The following FGGY variants were observed in gnomAD, a reference collection of about 807,000 sequenced individuals.
FGGY encodes FGGY carbohydrate kinase domain-containing protein.
FGGY carries 72 observed loss-of-function variants against 71.3 expected under a neutral mutation model. That is an observed-to-expected ratio of 1.01 (90% CI 0.84 to 1.23). The LOEUF is 1.23. Among genes scored for constraint, FGGY ranks in the 50% most tolerant of loss-of-function variants. The pLI is 0.00. For missense variants in FGGY, 668 were observed against 682.3 expected (o/e 0.98, Z 0.23); for synonymous variants, 251 against 250.3 (o/e 1.00, Z -0.02).
chr1:59,736,911 AC>A (rs2101104603), intron 14 of FGGY, among the ~76,000 whole-genome samples: 1 of 152,284 alleles, frequency 6.6e-6, no homozygotes, highest in African/African-American at 2.4e-5. Flanking sequence ...TCCTCCCATC[AC>A]AGGCCTGGAG....
At chr1:59,329,660 G>C (rs989521606) in intron 2 of FGGY, among the ~76,000 whole-genome samples, 1 of 152,118 alleles carries the variant, frequency 6.6e-6, no homozygotes, top group Non-Finnish European at 1.5e-5. Flanking sequence ...TCCCTTTAGC[G>C]TAAGAATTGT....
At chr1:59,408,680 T>C (rs1181638891) in intron 5 of FGGY, among the ~76,000 whole-genome samples, 1 of 152,208 alleles carries the variant, frequency 6.6e-6, no homozygotes, top group Non-Finnish European at 1.5e-5. Context: ...CATCATTTTT[T>C]TCCCCAGAAC....
intron 4 of FGGY, among the ~76,000 whole-genome samples, chr1:59,375,521 A>T (rs1004817967): frequency 3.3e-5 from 5 of 152,202 alleles, no homozygotes; most frequent in Admixed American, 3.3e-4. Context: ...CTAGTTGCTC[A>T]TCCCACAAAT....
At chr1:59,321,220 A>G (rs760549695) in intron 1 of FGGY, among the ~76,000 whole-genome samples, 3 of 152,172 alleles carry the variant, frequency 2.0e-5, no homozygotes, top group African/African-American at 7.2e-5. Context: ...TCCAGATTCT[A>G]AGTTCTCCTA....
intron 4 of FGGY, among the ~76,000 whole-genome samples, chr1:59,373,070 C>T (rs2057988486): frequency 6.6e-6 from 1 of 152,036 alleles, no homozygotes; most frequent in African/African-American, 2.4e-5. Context: ...GGCAATTAGG[C>T]AGGAGAAGGA....
chr1:59,695,102 A>G (rs1320780250), intron 14 of FGGY, among the ~76,000 whole-genome samples: 1 of 152,242 alleles, frequency 6.6e-6, no homozygotes, highest in Non-Finnish European at 1.5e-5. Flanking sequence ...CAATTCATGT[A>G]TCTATTTAAC....
intron 7 of FGGY, among the ~76,000 whole-genome samples, chr1:59,541,188 TG>T (rs2095434906): frequency 6.6e-6 from 1 of 152,200 alleles, no homozygotes; most frequent in Non-Finnish European, 1.5e-5. Flanking sequence ...GTTAATACAT[TG>T]AGTTTCTCTT....
intron 1 of FGGY, among the ~76,000 whole-genome samples, chr1:59,311,504 G>C (rs377282729): frequency 6.6e-6 from 1 of 151,894 alleles, no homozygotes; most frequent in Non-Finnish European, 1.5e-5. Flanking sequence ...TTGGTTTTCT[G>C]TTCCTGTGTT....
intron 1 of FGGY, among the ~76,000 whole-genome samples, chr1:59,299,978 A>G (rs1456351308): frequency 6.6e-6 from 1 of 152,188 alleles, no homozygotes; most frequent in African/African-American, 2.4e-5. Flanking sequence ...AAAAGTAGAA[A>G]AGAATTGAAC....
intron 14 of FGGY, among the ~76,000 whole-genome samples, chr1:59,726,285 G>T (rs12566392): frequency 0.095 from 14,458 of 151,998 alleles, 839 homozygotes; most frequent in Middle Eastern, 0.15. Flanking sequence ...ATCGTATTTG[G>T]TTGTGGTATA....
At chr1:59,701,627 A>G (rs2097710568) in intron 14 of FGGY, among the ~76,000 whole-genome samples, 1 of 152,150 alleles carries the variant, frequency 6.6e-6, no homozygotes, top group African/African-American at 2.4e-5. Flanking sequence ...AGGCAGAGAA[A>G]ATGTTCCAAA....
intron 6 of FGGY, among the ~76,000 whole-genome samples, chr1:59,459,898 C>T (rs1012166209): frequency 1.3e-5 from 2 of 152,172 alleles, no homozygotes; most frequent in African/African-American, 4.8e-5. Flanking sequence ...ATCTGCATTA[C>T]TAACAGGGTT....
rs199825170 is a variant in FGGY at position 59,442,416 on chromosome 1, G to GTTTGTT, written c.555-14512_555-14507dup. ...TAATTTTAAGGCCATTTTCCTGTTT[G>GTTTGTT]TTTGTTTTTGTTTTTGTTTTTGTTT... On this transcript the variant is annotated intron_variant, in intron 5 of 15. Coordinates refer to ENST00000303721, the MANE Select transcript of FGGY (RefSeq NM_018291.5). 2.2e-3 allele frequency among the ~76,000 whole-genome samples: 337 copies of GTTTGTT among 152,014 alleles called. 1 individual carries two copies. The highest frequency in any genetic ancestry group is 0.021 in the East Asian group (110 of 5,164).
At chr1:59,327,396 C>G (rs141614935) in intron 2 of FGGY, among the ~76,000 whole-genome samples, 2 of 152,236 alleles carry the variant, frequency 1.3e-5, no homozygotes, top group East Asian at 3.9e-4. Flanking sequence ...AGAAGCAGCC[C>G]CTCATCGGTT....
intron 8 of FGGY, among the ~76,000 whole-genome samples, chr1:59,586,056 T>C (rs1273611712): frequency 2.0e-5 from 3 of 152,238 alleles, no homozygotes; most frequent in African/African-American, 4.8e-5. Flanking sequence ...TTTTACACTG[T>C]TGTTGGGACT....
Position 59,418,123 on chromosome 1 carries a change from G to T in FGGY, c.555-38838G>T, listed in dbSNP as rs778979798. On this transcript the variant is annotated intron_variant, in intron 5 of 15. Transcript: ENST00000303721. ...AGGTGTCCTGGTCCCAGAAAAGGAG[G>T]TTATGCAGACTCAGTGTATAACTCC... is the stretch of plus-strand genomic sequence containing the variant. Among the ~76,000 whole-genome samples the T allele has an allele frequency of 3.3e-5, 5 of 152,090 alleles. No homozygotes were observed. In the East Asian group the frequency reaches 5.8e-4, roughly 18 times the overall value.
rs369981835 is a variant in FGGY, at chr1:59,607,933, G to A, written c.1011+23G>A. Reference sequence around the variant, plus strand: ...TTGGTAAGTTGACACTTTCTCAATAGGGTCATGGATGTTTTTATGTCATTG... The same window carrying A: ...TTGGTAAGTTGACACTTTCTCAATAAGGTCATGGATGTTTTTATGTCATTG... On this transcript the variant is annotated intron_variant, in intron 9 of 15. Transcript: ENST00000303721. 4 of 1,573,314 alleles carry A rather than the reference G, an allele frequency of 2.5e-6. No homozygotes were observed. The African/African-American group carries it at 4.1e-5, about 16-fold the overall frequency.
intron 9 of FGGY, among the ~76,000 whole-genome samples, chr1:59,623,379 A>C (rs2096828411): frequency 6.6e-6 from 1 of 152,082 alleles, no homozygotes; most frequent in Admixed American, 6.6e-5. Flanking sequence ...TAATTCTGTA[A>C]TTTAACCTAC....
chr1:59,417,777 C>T (rs1031871933), intron 5 of FGGY, among the ~76,000 whole-genome samples: 8 of 152,008 alleles, frequency 5.3e-5, no homozygotes, highest in Admixed American at 5.2e-4. Flanking sequence ...GATCATATGC[C>T]CATTATAAAA....
Sources: gnomAD v4.1 joint callset for allele counts (sites outside exome capture counted in the v4.1 genomes callset) on GRCh38, gnomAD v4.1.1 for gene constraint, MANE v1.5 for transcripts, NCBI Gene and HGNC (gene_info 2026-07-23, HGNC 2026-07-21) for gene names.